PPP1R16A: variants seen among roughly 807,000 people sequenced by gnomAD.
The protein encoded by PPP1R16A is myosin phosphatase-targeting subunit 3.
A neutral mutation model predicts 46.6 loss-of-function variants in PPP1R16A; 39 were observed. The ratio of observed to expected loss-of-function variants is 0.84; its 90% CI spans 0.65 to 1.09. The LOEUF is 1.09. Among genes scored for constraint, PPP1R16A ranks in the 50% least tolerant of loss-of-function variants. The pLI is 0.00. For missense variants in PPP1R16A, 798 were observed against 735.6 expected (o/e 1.08, Z -0.98); for synonymous variants, 413 against 321.5 (o/e 1.28, Z -3.04).
intron 1 of PPP1R16A, among the ~76,000 whole-genome samples, chr8:144,483,538 T>G (rs1825522769): frequency 6.6e-6 from 1 of 152,034 alleles, no homozygotes; most frequent in South Asian, 2.1e-4. Flanking sequence ...GCTTCCTGAG[T>G]AGCTGAGACT....
At chr8:144,487,977 C>T (rs1046634975) in intron 1 of PPP1R16A, among the ~76,000 whole-genome samples, 2 of 152,352 alleles carry the variant, frequency 1.3e-5, no homozygotes, top group Non-Finnish European at 1.5e-5. Flanking sequence ...GATGTCTCCT[C>T]CTATATCTTC....
At position 144,496,964 on chromosome 8, in the gene PPP1R16A, T is replaced by G; in HGVS notation, c.-231T>G. 1 of 600,952 alleles carries G rather than the reference T, an allele frequency of 1.7e-6. No homozygotes were observed. Among genetic ancestry groups the G allele is most frequent in the South Asian group, 2.0e-5 (1 of 50,354 alleles). The allele number at this position is 600,952 out of a possible 1,614,324, so 37.2% of individuals were successfully genotyped here. A position where few individuals can be genotyped will look rare whatever the true frequency, so the allele number is the denominator to read the frequency against. On this transcript the variant is annotated 5_prime_UTR_variant, in exon 3 of 12. Coordinates refer to ENST00000435887, the MANE Select transcript of PPP1R16A (RefSeq NM_001329443.2). ...CTAGAGGCTGGCCTGGGGAGCAGGT[T>G]TGGGGTGCCCTCCCACACTGCCCTC...
At chr8:144,478,172 G>T (rs538661016) in intron 1 of PPP1R16A, 45 bp downstream of exon 1, 133 of 394,158 alleles carry the variant, frequency 3.4e-4, no homozygotes, top group Middle Eastern at 6.4e-4. Flanking sequence ...CGGAGCGAGG[G>T]AGAGGGGCCC....
chr8:144,501,810 C>T lies in PPP1R16A; in HGVS notation c.1494C>T (p.Gly498=). The change falls in exon 12 of 12, where the codon GGC becomes GGT. Residue 498 remains glycine (G), a synonymous_variant. Coordinates refer to ENST00000435887, the MANE Select transcript of PPP1R16A (RefSeq NM_001329443.2). ...CGGTGACCCCCCAGCCTGACTGTGG[C>T]TTCAGGGCAGGCGGGGACCCACCCC... ...GDTVTPQPDC[G]FRAGGDPPLL... is the part of the protein sequence containing the mutation. The T allele has an allele frequency of 6.4e-7, 1 of 1,555,112 alleles. No individual in the cohort carries two copies. The highest frequency in any genetic ancestry group is 1.2e-5 in the South Asian group (1 of 84,612).
intron 3 of PPP1R16A, 76 bp from the exon 4 acceptor site, chr8:144,498,694 G>C: frequency 7.1e-7 from 1 of 1,418,140 alleles, no homozygotes; most frequent in Non-Finnish European, 9.6e-7. Context: ...TCCTTCCCTG[G>C]GTCCTGGGCC....
At position 144,497,012 on chromosome 8, in the gene PPP1R16A, A is replaced by T; in HGVS notation, c.-183A>T. ...CTCCCTGCCCCGGCCCATGCCCCCC[A>T]GGGCTGCCTGGGCCTGGTTATTGTG... On this transcript the variant is annotated 5_prime_UTR_variant, in exon 3 of 12. Transcript: ENST00000435887. 1.3e-6 allele frequency: 1 copy of T among 772,380 alleles called. No individual in the cohort carries two copies. Among genetic ancestry groups the T allele is most frequent in the Non-Finnish European group, 2.0e-6 (1 of 488,654 alleles). 47.8% of individuals were successfully genotyped at this position (772,380 alleles called of 1,614,324 possible). A position where few individuals can be genotyped will look rare whatever the true frequency, so the allele number is the denominator to read the frequency against.
Position 144,497,066 on chromosome 8 carries a change from G to A in PPP1R16A, c.-129G>A, listed in dbSNP as rs780609887. 7.0e-5 allele frequency: 89 copies of A among 1,279,600 alleles called. No homozygotes were observed. Among genetic ancestry groups the A allele is most frequent in the Non-Finnish European group, 9.1e-5 (84 of 927,562 alleles). 79.3% of individuals were successfully genotyped at this position (1,279,600 alleles called of 1,614,324 possible). A position where few individuals can be genotyped will look rare whatever the true frequency, so the allele number is the denominator to read the frequency against. ...GGCCTCCTGACCCAGCCAAGGGCAC[G>A]AAGCTCTGGGAAGGGGATGCCCCCG... On this transcript the variant is annotated 5_prime_UTR_variant, in exon 3 of 12. Coordinates refer to ENST00000435887, the MANE Select transcript of PPP1R16A (RefSeq NM_001329443.2).
chr8:144,491,593 C>G (rs1281243445), intron 2 of PPP1R16A, among the ~76,000 whole-genome samples: 2 of 152,068 alleles, frequency 1.3e-5, no homozygotes, highest in Non-Finnish European at 2.9e-5. Context: ...GAAACCCCAT[C>G]TCTACTAAAA....
intron 1 of PPP1R16A, among the ~76,000 whole-genome samples, chr8:144,489,614 T>C (rs1020452395): frequency 5.9e-5 from 9 of 152,112 alleles, no homozygotes; most frequent in Admixed American, 3.9e-4. Context: ...CAGAGGCCCC[T>C]CCAGAGCCTC....
chr8:144,499,518 G>A (rs141376678), intron 5 of PPP1R16A: 143 of 188,120 alleles, frequency 7.6e-4, no homozygotes, highest in African/African-American at 3.2e-3. Context: ...CTTTGCTCCA[G>A]GCATCTGTAG....
In PPP1R16A at chr8:144,500,389, CTGGTGAGGGCTGGG is replaced by C. The variant is rs1196488263; in HGVS notation, c.704_705+12del. ...TGCCCCCCTGGACCACGGGGCCACG[CTGGTGAGGGCTGGG>C]GGGTGAGGGGCACACGGGGCTGGGG... On this transcript the variant is annotated splice_donor_variant and splice_donor_5th_base_variant and coding_sequence_variant and intron_variant, in exon 7 of 12. Transcript: ENST00000435887. LOFTEE classifies it high-confidence loss of function. The C allele has an allele frequency of 2.0e-6, 3 of 1,524,946 alleles. No individual in the cohort carries two copies. 94.5% of individuals were successfully genotyped at this position (1,524,946 alleles called of 1,614,324 possible). A position where few individuals can be genotyped will look rare whatever the true frequency, so the allele number is the denominator to read the frequency against.
intron 11 of PPP1R16A, 35 bp downstream of exon 11, chr8:144,501,329 G>C (rs1826451343): frequency 1.3e-6 from 2 of 1,540,974 alleles, no homozygotes; most frequent in Non-Finnish European, 1.7e-6. Context: ...CCAGCGCAGG[G>C]GTGGGCCTGG....
In PPP1R16A at chr8:144,498,804, C is replaced by A; in HGVS notation, c.294C>A (p.Asp98Glu). Residue 98 changes from aspartate (D) to glutamate (E), a missense_variant, in exon 4 of 12, where the codon GAC becomes GAA. Transcript: ENST00000435887. ...TCCTTGGGAGTGGGGTCAGCCCTGA[C>A]TTGGCCAACGAGGACGGCCTGACGG... ...RQFLGSGVSP[D>E]LANEDGLTAL... The A allele has an allele frequency of 6.2e-7, 1 of 1,603,490 alleles. No individual in the cohort carries two copies. Among genetic ancestry groups the A allele is most frequent in the East Asian group, 2.2e-5 (1 of 44,552 alleles).
intron 1 of PPP1R16A, among the ~76,000 whole-genome samples, chr8:144,480,490 CTTT>C (rs751435629): frequency 4.2e-5 from 6 of 143,506 alleles, no homozygotes; most frequent in Admixed American, 7.0e-5. Context: ...ATTTTTATAT[CTTT>C]TTTTTTTTTT....
intron 3 of PPP1R16A, 174 bp from the exon 4 acceptor site, chr8:144,498,596 C>T (rs528884809): frequency 4.4e-5 from 27 of 619,212 alleles, no homozygotes; most frequent in African/African-American, 9.2e-5. Flanking sequence ...GGAGTGTGAC[C>T]GGCCTGGGCC....
chr8:144,499,539 G>A (rs150382177), intron 5 of PPP1R16A: 2 of 190,602 alleles, frequency 1.0e-5, no homozygotes, highest in East Asian at 1.4e-4. Context: ...TGGGAGAGAG[G>A]TCAGGGCTGC....
In PPP1R16A at chr8:144,497,727, C is replaced by T. The variant is rs917678290; in HGVS notation, c.259+274C>T. 6.9e-6 allele frequency: 4 copies of T among 581,200 alleles called. No homozygotes were observed. The African/African-American group carries it at 7.4e-5, about 11-fold the overall frequency. The allele number at this position is 581,200 out of a possible 1,614,324, so 36.0% of individuals were successfully genotyped here. ...GCTCCTGCTGTGAGGTGAGCTGAGG[C>T]CATGAGTGGACCCCCAGGAGCCTGC... On this transcript the variant is annotated intron_variant, in intron 3 of 11. Coordinates refer to ENST00000435887, the MANE Select transcript of PPP1R16A (RefSeq NM_001329443.2).
At chr8:144,488,073 G>A (rs1373334354) in intron 1 of PPP1R16A, among the ~76,000 whole-genome samples, 4 of 152,224 alleles carry the variant, frequency 2.6e-5, no homozygotes, top group African/African-American at 9.7e-5. Flanking sequence ...CTATTCTGTT[G>A]TTCAGTTCTA....
rs772918270 is a variant in PPP1R16A, at chr8:144,500,479, GC to G, written c.706-6del. On this transcript the variant is annotated splice_region_variant and splice_polypyrimidine_tract_variant and intron_variant, in intron 7 of 11. Transcript: ENST00000435887. ...GGGGCCGAATTCAGGCCGGGCGCTTGCCTGCAGCTGCACGTCGCAGCCGCCA... is the reference window on the plus strand; with the variant it reads ...GGGGCCGAATTCAGGCCGGGCGCTTGCTGCAGCTGCACGTCGCAGCCGCCA... 44 of 1,574,712 alleles carry G rather than the reference GC, an allele frequency of 2.8e-5. No homozygotes were observed. Among genetic ancestry groups the G allele is most frequent in the Non-Finnish European group, 3.6e-5 (42 of 1,169,146 alleles).
Sources: gnomAD v4.1 joint callset for allele counts (sites outside exome capture counted in the v4.1 genomes callset) on GRCh38, gnomAD v4.1.1 for gene constraint, MANE v1.5 for transcripts, NCBI Gene and HGNC (gene_info 2026-07-23, HGNC 2026-07-21) for gene names.